The following RBM6 variants were observed in gnomAD, a reference collection of about 807,000 sequenced individuals.
RBM6 encodes RNA-binding protein 6.
RBM6 carries 23 observed loss-of-function variants against 140.4 expected under a neutral mutation model. The observed-to-expected ratio is 0.16, with a 90% CI of 0.12 to 0.23. The LOEUF (loss-of-function observed/expected upper bound fraction) is 0.23. Ranked by LOEUF, RBM6 falls within the 10% of genes least tolerant of loss-of-function variation. The pLI is 1.00. For missense variants in RBM6, 1,139 were observed against 1,386.7 expected, an observed-to-expected ratio of 0.82 and a Z score of 2.84; for synonymous variants, 439 against 475.6, an observed-to-expected ratio of 0.92 and a Z score of 1.00.
intron 2 of RBM6, among the ~76,000 whole-genome samples, chr3:49,963,638 T>C (rs979073347): frequency 6.6e-6 from 1 of 152,080 alleles, no homozygotes; most frequent in African/African-American, 2.4e-5. Context: ...CCAAGAAGAG[T>C]GGAGAAAGTG....
At chr3:49,940,833 G>A (rs961278089) in intron 1 of RBM6, 2 of 144,322 alleles carry the variant, frequency 1.4e-5, no homozygotes, top group Non-Finnish European at 3.0e-5. Flanking sequence ...GTAAATAGAT[G>A]TTTTTCTCTT....
chr3:50,053,646 T>C (rs901628323), intron 7 of RBM6, among the ~76,000 whole-genome samples: 4 of 152,212 alleles, frequency 2.6e-5, no homozygotes, highest in African/African-American at 9.6e-5. Flanking sequence ...ACCATCCTCT[T>C]TATAGTTCTT....
At chr3:50,033,306 AAAAAG>A (rs2088294971) in intron 6 of RBM6, among the ~76,000 whole-genome samples, 1 of 152,116 alleles carries the variant, frequency 6.6e-6, no homozygotes, top group Non-Finnish European at 1.5e-5. Flanking sequence ...CGAAAAGAAA[AAAAAG>A]AAAAAGAGAC....
chr3:49,981,477 G>A (rs1483644970), intron 5 of RBM6: 1 of 152,184 alleles, frequency 6.6e-6, no homozygotes, highest in Non-Finnish European at 1.5e-5. Context: ...TAGATAAAGT[G>A]TTTGTTTAGA....
chr3:50,032,382 G>A (rs891234723), intron 6 of RBM6, among the ~76,000 whole-genome samples: 10 of 151,796 alleles, frequency 6.6e-5, no homozygotes, highest in Admixed American at 1.3e-4. Flanking sequence ...TACTCAGGAG[G>A]CTGAGGCAGG....
chr3:50,057,093 T>C (rs2089731041), intron 8 of RBM6, among the ~76,000 whole-genome samples: 1 of 152,222 alleles, frequency 6.6e-6, no homozygotes, highest in Admixed American at 6.5e-5. Context: ...TTGATTATGA[T>C]AGTCAGGTTC....
chr3:50,063,646 A>T (rs1043369792), intron 15 of RBM6, among the ~76,000 whole-genome samples: 2 of 151,900 alleles, frequency 1.3e-5, no homozygotes, highest in Non-Finnish European at 2.9e-5. Flanking sequence ...CATGCCTGTA[A>T]TCCCAGCACT....
At chr3:49,942,496 C>CAA (rs34097467) in intron 1 of RBM6, among the ~76,000 whole-genome samples, 66 of 100,086 alleles carry the variant, frequency 6.6e-4, no homozygotes, top group Admixed American at 1.0e-3. Flanking sequence ...GACTCCATCT[C>CAA]AAAAAAAAAA....
chr3:49,963,231 T>A (rs2084363148), intron 2 of RBM6, among the ~76,000 whole-genome samples: 3 of 151,976 alleles, frequency 2.0e-5, no homozygotes, highest in Admixed American at 2.0e-4. Context: ...ATTTTAAAAT[T>A]TTATTTATTT....
rs889188609 is a variant in RBM6, at chr3:49,999,617, A to G, written c.1557+104A>G. 28 of 978,902 alleles carry G rather than the reference A, an allele frequency of 2.9e-5. 1 individual carries two copies. Among genetic ancestry groups the G allele is most frequent in the South Asian group, 2.0e-4 (15 of 76,818 alleles). The allele number at this position is 978,902 out of a possible 1,614,324, so 60.6% of individuals were successfully genotyped here. On this transcript the variant is annotated intron_variant, in intron 6 of 20. Transcript: ENST00000266022. The stretch of plus-strand genomic sequence containing the variant: ...TACTTTGGAAAGGTACAAGAAGTCT[A>G]TCTGTGGAGCATACTGTATTCCAAC...
At chr3:49,990,489 C>T (rs1232627295) in intron 5 of RBM6, among the ~76,000 whole-genome samples, 1 of 152,194 alleles carries the variant, frequency 6.6e-6, no homozygotes, top group East Asian at 1.9e-4. Context: ...TGCTGTTGAT[C>T]AAAATGTAGT....
chr3:49,951,303 C>T (rs1239651720), intron 1 of RBM6, among the ~76,000 whole-genome samples: 1 of 151,870 alleles, frequency 6.6e-6, no homozygotes, highest in East Asian at 1.9e-4. Flanking sequence ...ACCTCTGCCT[C>T]CCAGGCACAA....
chr3:49,945,016 A>G (rs1339992931), intron 1 of RBM6, among the ~76,000 whole-genome samples: 1 of 151,470 alleles, frequency 6.6e-6, no homozygotes, highest in Non-Finnish European at 1.5e-5. Flanking sequence ...AGCTGGGACT[A>G]CAGCATCCGC....
chr3:50,050,395 A>C (rs1366196935), intron 7 of RBM6, among the ~76,000 whole-genome samples: 5 of 152,036 alleles, frequency 3.3e-5, no homozygotes. Flanking sequence ...TCAGTACCTC[A>C]TTTCTTTTTG....
At chr3:49,954,354 T>C (rs6797615) in intron 1 of RBM6, among the ~76,000 whole-genome samples, 3,616 of 150,398 alleles carry the variant, frequency 0.024, 154 homozygotes, top group African/African-American at 0.084. Context: ...GCAGAAGAAT[T>C]GCTTGAACCC....
chr3:50,027,797 A>G lies in RBM6; in HGVS notation c.1558-20448A>G, dbSNP rs118163823. 1.3e-3 allele frequency among the ~76,000 whole-genome samples: 198 copies of G among 152,312 alleles called. 6 individuals carry two copies. The East Asian group carries it at 0.037, about 28-fold the overall frequency. ...GTTTATTATGAATAATACTATTCAC[A>G]TTCATGTACAAGGTTTTGTGTGGAC... is the stretch of plus-strand genomic sequence containing the variant. On this transcript the variant is annotated intron_variant, in intron 6 of 20. Coordinates refer to ENST00000266022, the MANE Select transcript of RBM6 (RefSeq NM_005777.3).
chr3:50,028,290 C>A (rs1159630073), intron 6 of RBM6, among the ~76,000 whole-genome samples: 5 of 152,092 alleles, frequency 3.3e-5, no homozygotes, highest in Non-Finnish European at 7.4e-5. Flanking sequence ...TGGTCTAGTT[C>A]CTGAGTTAAG....
chr3:50,045,544 A>G (rs1417724470), intron 6 of RBM6, among the ~76,000 whole-genome samples: 1 of 152,218 alleles, frequency 6.6e-6, no homozygotes, highest in East Asian at 1.9e-4. Context: ...CTGGACCAGT[A>G]ATTTGACAAC....
intron 3 of RBM6, 149 bp downstream of exon 3, chr3:49,968,897 A>C: frequency 9.2e-7 from 1 of 1,081,312 alleles, no homozygotes; most frequent in South Asian, 1.8e-5. Context: ...CTCCTGCCTC[A>C]GCCTCCTGAG....
Sources: gnomAD v4.1 joint callset for allele counts (sites outside exome capture counted in the v4.1 genomes callset) on GRCh38, gnomAD v4.1.1 for gene constraint, MANE v1.5 for transcripts, NCBI Gene and HGNC (gene_info 2026-07-23, HGNC 2026-07-21) for gene names.